MYOT: variants seen among roughly 807,000 people sequenced by gnomAD.
The protein encoded by MYOT is myotilin.
MYOT carries 36 observed loss-of-function variants against 58.0 expected under a neutral mutation model. The observed-to-expected ratio is 0.62, with a 90% confidence interval of 0.48 to 0.82. The LOEUF (loss-of-function observed/expected upper bound fraction) is 0.82, where lower values mean the gene tolerates loss of function less well. MYOT is among the 40% of genes least tolerant of loss of function. The pLI, the probability that MYOT is intolerant of heterozygous loss-of-function variation, is 0.00. For synonymous variants in MYOT, 218 were observed against 204.6 expected (o/e 1.07, Z -0.56); for missense variants, 505 against 592.1 (o/e 0.85, Z 1.53).
Position 137,870,795 on chromosome 5 carries a change from A to G in MYOT, c.144A>G (p.Thr48=). The G allele has an allele frequency of 6.2e-7, 1 of 1,614,186 alleles. No homozygotes were observed. Among genetic ancestry groups the G allele is most frequent in the South Asian group, 1.1e-5 (1 of 91,088 alleles). ...SSIIIQPRQC[T]EQRFSASSTL... ...TTATCATCCAGCCCCGCCAGTGTAC[A>G]GAGCAAAGATTTTCTGCCTCCTCAA... The change falls in exon 2 of 10, where the codon ACA becomes ACG. Residue 48 remains threonine (T), a synonymous_variant. Transcript: ENST00000239926.
rs1755333218 is a variant in MYOT at position 137,879,186 on chromosome 5, T to C, written c.633+1565T>C. Among the ~76,000 whole-genome samples the C allele has an allele frequency of 2.0e-5, 3 of 152,258 alleles. No individual in the cohort carries two copies. The South Asian group carries it at 6.2e-4, about 32-fold the overall frequency. ...CCTGAGCTCAAGTGATCTGCCTACC[T>C]CAGCCTCCCAAAGTGCTGGGATTAC... On this transcript the variant is annotated intron_variant, in intron 4 of 9. Transcript: ENST00000239926.
At chr5:137,880,042 ATCT>A (rs1755375150) in intron 4 of MYOT, among the ~76,000 whole-genome samples, 1 of 152,118 alleles carries the variant, frequency 6.6e-6, no homozygotes, top group African/African-American at 2.4e-5. Flanking sequence ...TTGTACTCAG[ATCT>A]TGTGTGCTCC....
intron 4 of MYOT, 176 bp from the exon 5 acceptor site, chr5:137,880,640 T>G (rs1452200256): frequency 1.8e-6 from 1 of 557,410 alleles, no homozygotes; most frequent in East Asian, 3.1e-5. Flanking sequence ...CTTGCTAGAG[T>G]GGTAGTATGT....
At position 137,886,038 on chromosome 5, in the gene MYOT, T is replaced by G. The variant is rs1755590427; in HGVS notation, c.1025-10T>G. ...ATTTCAAATACTTGAATTTTTGTATTAATATATAGCAAAAGAACATAAAAG... is the reference window on the plus strand; with the variant it reads ...ATTTCAAATACTTGAATTTTTGTATGAATATATAGCAAAAGAACATAAAAG... On this transcript the variant is annotated splice_polypyrimidine_tract_variant and intron_variant, in intron 7 of 9. Transcript: ENST00000239926. The G allele has an allele frequency of 6.5e-7, 1 of 1,533,834 alleles. No individual in the cohort carries two copies. Among genetic ancestry groups the G allele is most frequent in the Non-Finnish European group, 9.0e-7 (1 of 1,114,832 alleles).
At chr5:137,876,717 T>C (rs920154750) in intron 3 of MYOT, among the ~76,000 whole-genome samples, 2 of 152,076 alleles carry the variant, frequency 1.3e-5, no homozygotes, top group African/African-American at 4.8e-5. Context: ...GAAAGGAGAA[T>C]TGCTTGAACC....
At chr5:137,880,672 C>A in intron 4 of MYOT, 144 bp from the exon 5 acceptor site, 1 of 682,684 alleles carries the variant, frequency 1.5e-6, no homozygotes, top group Non-Finnish European at 2.6e-6. Context: ...ACTTTAAGGG[C>A]TTAAAAGCTG....
At chr5:137,885,013 T>A (rs1270558778) in intron 7 of MYOT, among the ~76,000 whole-genome samples, 1 of 152,162 alleles carries the variant, frequency 6.6e-6, no homozygotes, top group Non-Finnish European at 1.5e-5. Context: ...CACATACAAT[T>A]TAAGTGATTA....
chr5:137,879,621 T>C (rs112877791), intron 4 of MYOT, among the ~76,000 whole-genome samples: 14,455 of 138,546 alleles, frequency 0.1, 891 homozygotes, highest in South Asian at 0.16. Flanking sequence ...GCCTCCCGGG[T>C]CCATGCCGTT....
At chr5:137,881,691 A>G (rs1162091340) in intron 5 of MYOT, among the ~76,000 whole-genome samples, 1 of 152,126 alleles carries the variant, frequency 6.6e-6, no homozygotes, top group African/African-American at 2.4e-5. Flanking sequence ...TAATTTGGAT[A>G]TTTTTATTTA....
At position 137,880,666 on chromosome 5, in the gene MYOT, T is replaced by C. The variant is rs10071237; in HGVS notation, c.634-150T>C. ...GGTAGTATGTTAGTGCACTGTACTT[T>C]AAGGGCTTAAAAGCTGAATATATAG... On this transcript the variant is annotated intron_variant, in intron 4 of 9. Transcript: ENST00000239926. The C allele has an allele frequency of 1.3e-3, 887 of 659,016 alleles. 11 individuals carry two copies. In the African/African-American group the frequency reaches 0.014, roughly 11 times the overall value. The allele number at this position is 659,016 out of a possible 1,614,324, so 40.8% of individuals were successfully genotyped here. A position where few individuals can be genotyped will look rare whatever the true frequency, so the allele number is the denominator to read the frequency against.
chr5:137,875,870 C>T lies in MYOT; in HGVS notation c.398C>T (p.Pro133Leu), dbSNP rs779568205. Residue 133 changes from proline (P) to leucine (L), a missense_variant, in exon 3 of 10, where the codon CCA becomes CTA. Physicochemically the swap from Pro to Leu is moderately conservative, Grantham distance 98 (BLOSUM62 -3). Coordinates refer to ENST00000239926, the MANE Select transcript of MYOT (RefSeq NM_006790.3). Reference sequence around the variant, plus strand: ...GCTGGCCAACCTATAAATGCAAAGCCATCCCAAACTGCAAATGCTAAGCCC... The same window carrying T: ...GCTGGCCAACCTATAAATGCAAAGCTATCCCAAACTGCAAATGCTAAGCCC... Reference protein sequence around the residue: ...SSAGQPINAKPSQTANAKPIP... With the variant: ...SSAGQPINAKLSQTANAKPIP... 1.4e-5 allele frequency: 22 copies of T among 1,613,928 alleles called. No homozygotes were observed. The Admixed American group carries it at 3.7e-4, about 27-fold the overall frequency.
rs1001706381 is a variant in MYOT, at chr5:137,885,381, A to G, written c.1025-667A>G. Reference sequence around the variant, plus strand: ...CTAAACAAAATTTTACCAATTTGGCATGGCTCATGGAGCCAATAGGTAATT... The same window carrying G: ...CTAAACAAAATTTTACCAATTTGGCGTGGCTCATGGAGCCAATAGGTAATT... On this transcript the variant is annotated intron_variant, in intron 7 of 9. Coordinates refer to ENST00000239926, the MANE Select transcript of MYOT (RefSeq NM_006790.3). 2.6e-5 allele frequency among the ~76,000 whole-genome samples: 4 copies of G among 152,262 alleles called. 1 individual carries two copies. The South Asian group carries it at 8.3e-4, about 32-fold the overall frequency.
chr5:137,877,424 T>C, intron 3 of MYOT, 96 bp from the exon 4 acceptor site: 2 of 757,814 alleles, frequency 2.6e-6, no homozygotes, highest in South Asian at 2.9e-5. Context: ...AGAACTATGC[T>C]TCTTTGAAGT....
Position 137,886,226 on chromosome 5 carries a change from T to A in MYOT, c.1190+13T>A. On this transcript the variant is annotated intron_variant, in intron 8 of 9. Coordinates refer to ENST00000239926, the MANE Select transcript of MYOT (RefSeq NM_006790.3). ...CTGACCGAATAAGGTAGGATATGTA[T>A]TTCTAGACTTACTATAGTTTATTTG... 6.3e-7 allele frequency: 1 copy of A among 1,587,272 alleles called. No homozygotes were observed. Among genetic ancestry groups the A allele is most frequent in the Non-Finnish European group, 8.6e-7 (1 of 1,158,022 alleles).
intron 3 of MYOT, chr5:137,876,314 C>T: frequency 2.7e-6 from 1 of 367,554 alleles, no homozygotes; most frequent in East Asian, 6.5e-5. Context: ...GTCAAGTCAA[C>T]TTAGTGTACT....
chr5:137,874,389 C>A (rs1339298247), intron 2 of MYOT, among the ~76,000 whole-genome samples: 1 of 152,102 alleles, frequency 6.6e-6, no homozygotes, highest in Non-Finnish European at 1.5e-5. Flanking sequence ...ATCACCTGAA[C>A]CCGGGAGGCA....
intron 1 of MYOT, among the ~76,000 whole-genome samples, chr5:137,868,823 A>T (rs1373645401): frequency 6.9e-6 from 1 of 144,908 alleles, no homozygotes; most frequent in Non-Finnish European, 1.5e-5. Context: ...TTTTTTTTAG[A>T]TCTACTCAAG....
At chr5:137,880,616 T>C in intron 4 of MYOT, 200 bp from the exon 5 acceptor site, 1 of 527,786 alleles carries the variant, frequency 1.9e-6, no homozygotes, top group East Asian at 3.3e-5. Context: ...AATAGTCCCA[T>C]TAATTCTGGG....
intron 4 of MYOT, among the ~76,000 whole-genome samples, chr5:137,878,968 T>C (rs1319966536): frequency 6.6e-6 from 1 of 152,192 alleles, no homozygotes; most frequent in Non-Finnish European, 1.5e-5. Context: ...AACACAAATA[T>C]TCCTAGCTTC....
Sources: gnomAD v4.1 joint callset for allele counts (sites outside exome capture counted in the v4.1 genomes callset) on GRCh38, gnomAD v4.1.1 for gene constraint, MANE v1.5 for transcripts, NCBI Gene and HGNC (gene_info 2026-07-23, HGNC 2026-07-21) for gene names.